Variants in SLC49A4 observed in about 807,000 individuals in gnomAD.
The protein encoded by SLC49A4 is disrupted in renal cancer protein 2.
SLC49A4 carries 36 observed loss-of-function variants against 50.6 expected under a neutral mutation model. That is an observed-to-expected ratio of 0.71 (90% CI 0.55 to 0.94). The LOEUF is 0.94. Among genes scored for constraint, SLC49A4 ranks in the 40% least tolerant of loss-of-function variants. The probability of loss-of-function intolerance (pLI) is 0.00; values close to 1 mark genes in which losing one functional copy is unlikely to be tolerated. For synonymous variants in SLC49A4, 248 were observed against 241.2 expected (o/e 1.03, Z -0.26); for missense variants, 503 against 605.7 (o/e 0.83, Z 1.78).
At chr3:122,838,120 C>T (rs1199455235) in intron 4 of SLC49A4, among the ~76,000 whole-genome samples, 1 of 151,908 alleles carries the variant, frequency 6.6e-6, no homozygotes, top group Non-Finnish European at 1.5e-5. Context: ...GGACTGTAAA[C>T]TAGTTCAACC....
chr3:122,802,127 C>G (rs1462638282), intron 1 of SLC49A4, among the ~76,000 whole-genome samples: 1 of 152,118 alleles, frequency 6.6e-6, no homozygotes, highest in Admixed American at 6.5e-5. Context: ...GCCTGGGCAA[C>G]ATCGTGAGAC....
At chr3:122,828,364 TG>T (rs1349059538) in intron 3 of SLC49A4, among the ~76,000 whole-genome samples, 3 of 152,174 alleles carry the variant, frequency 2.0e-5, no homozygotes, top group Non-Finnish European at 4.4e-5. Context: ...TAGAGCTTCC[TG>T]GAGATGCAGC....
intron 1 of SLC49A4, among the ~76,000 whole-genome samples, chr3:122,800,817 G>T (rs921561340): frequency 2.6e-5 from 4 of 152,218 alleles, no homozygotes; most frequent in African/African-American, 9.6e-5. Context: ...GAAACAAAAT[G>T]ATCCCCTGAT....
chr3:122,852,299 G>C (rs555182117), intron 5 of SLC49A4, among the ~76,000 whole-genome samples: 2 of 151,824 alleles, frequency 1.3e-5, no homozygotes, highest in South Asian at 4.2e-4. Flanking sequence ...GCCTGTCTTT[G>C]GTTCTTTTTT....
intron 5 of SLC49A4, among the ~76,000 whole-genome samples, chr3:122,853,879 A>G (rs1936954412): frequency 6.6e-6 from 1 of 152,236 alleles, no homozygotes; most frequent in African/African-American, 2.4e-5. Flanking sequence ...CCTGAATCAT[A>G]TCAGTTATTA....
intron 1 of SLC49A4, among the ~76,000 whole-genome samples, chr3:122,805,701 C>T (rs962687516): frequency 6.6e-6 from 1 of 152,150 alleles, no homozygotes; most frequent in African/African-American, 2.4e-5. Context: ...TTAACAGAGG[C>T]GTAGCATTCC....
At chr3:122,845,565 C>G (rs1005145493) in intron 4 of SLC49A4, among the ~76,000 whole-genome samples, 198 bp from the exon 5 acceptor site, 1 of 148,054 alleles carries the variant, frequency 6.8e-6, no homozygotes, top group Non-Finnish European at 1.5e-5. Flanking sequence ...CTTCAACCAG[C>G]AGTATATATG....
chr3:122,824,102 C>A lies in SLC49A4; in HGVS notation c.438-2698C>A, dbSNP rs143404850. Among the ~76,000 whole-genome samples the A allele has an allele frequency of 1.9e-3, 294 of 152,362 alleles. 1 individual carries two copies. The highest frequency in any genetic ancestry group is 3.4e-3 in the Middle Eastern group (1 of 294). On this transcript the variant is annotated intron_variant, in intron 2 of 8. Coordinates refer to ENST00000261038, the MANE Select transcript of SLC49A4 (RefSeq NM_032839.3). ...ATTCAGAGGATAACTAGTTCTCCTA[C>A]TGAGCTTGTTTATGAAGAGTGTATG...
At chr3:122,819,831 T>A (rs1189346384) in intron 2 of SLC49A4, among the ~76,000 whole-genome samples, 2 of 151,980 alleles carry the variant, frequency 1.3e-5, no homozygotes, top group African/African-American at 4.8e-5. Context: ...GACTTTTTTT[T>A]AAAGTTTTTT....
At chr3:122,807,276 C>G (rs375214255) in intron 2 of SLC49A4, among the ~76,000 whole-genome samples, 1 of 151,776 alleles carries the variant, frequency 6.6e-6, no homozygotes, top group African/African-American at 2.4e-5. Flanking sequence ...AAAATTGCCT[C>G]GAGACTAGGA....
intron 2 of SLC49A4, among the ~76,000 whole-genome samples, chr3:122,824,886 C>T (rs1193794722): frequency 6.6e-6 from 1 of 151,846 alleles, no homozygotes; most frequent in African/African-American, 2.4e-5. Flanking sequence ...GCATGCGTCA[C>T]CATGCCCAGC....
chr3:122,805,429 A>C (rs1936204164), intron 1 of SLC49A4, among the ~76,000 whole-genome samples: 1 of 152,202 alleles, frequency 6.6e-6, no homozygotes, highest in Non-Finnish European at 1.5e-5. Flanking sequence ...AGTCTTGTTG[A>C]CTTTCAATTT....
chr3:122,831,587 A>G lies in SLC49A4; in HGVS notation c.704-1730A>G, dbSNP rs1474180285. 2.6e-5 allele frequency among the ~76,000 whole-genome samples: 4 copies of G among 152,158 alleles called. No individual in the cohort carries two copies. The South Asian group carries it at 6.2e-4, about 24-fold the overall frequency. ...ACTCAAATCTATAGGGACTAAAAGTAGATCAGAGGTTGCCTAGGGCTGGGA... is the reference window on the plus strand; with the variant it reads ...ACTCAAATCTATAGGGACTAAAAGTGGATCAGAGGTTGCCTAGGGCTGGGA... On this transcript the variant is annotated intron_variant, in intron 3 of 8. Coordinates refer to ENST00000261038, the MANE Select transcript of SLC49A4 (RefSeq NM_032839.3).
At chr3:122,858,472 T>C (rs1308554094) in intron 6 of SLC49A4, among the ~76,000 whole-genome samples, 2 of 152,190 alleles carry the variant, frequency 1.3e-5, no homozygotes, top group African/African-American at 2.4e-5. Flanking sequence ...GTGGAAACTT[T>C]TTCAGCATAC....
At chr3:122,843,326 G>C (rs1408573035) in intron 4 of SLC49A4, among the ~76,000 whole-genome samples, 1 of 151,888 alleles carries the variant, frequency 6.6e-6, no homozygotes, top group Admixed American at 6.6e-5. Flanking sequence ...AACCAGTCTC[G>C]TTTTATCTTT....
chr3:122,841,431 G>A (rs950870722), intron 4 of SLC49A4, among the ~76,000 whole-genome samples: 1 of 152,116 alleles, frequency 6.6e-6, no homozygotes, highest in Non-Finnish European at 1.5e-5. Flanking sequence ...ATTCATTGAC[G>A]CCAATATCAG....
intron 5 of SLC49A4, among the ~76,000 whole-genome samples, chr3:122,847,157 A>G (rs1475386877): frequency 6.6e-6 from 1 of 152,178 alleles, no homozygotes. Context: ...TAGACCCATT[A>G]TAAACAAAGA....
intron 2 of SLC49A4, among the ~76,000 whole-genome samples, chr3:122,821,386 A>G (rs1160796295): frequency 6.6e-6 from 1 of 152,146 alleles, no homozygotes; most frequent in Non-Finnish European, 1.5e-5. Flanking sequence ...AGGGAAGAAA[A>G]GGGAGTTGGG....
At chr3:122,856,211 G>C (rs1936987230) in intron 5 of SLC49A4, 96 bp from the exon 6 acceptor site, 1 of 1,051,466 alleles carries the variant, frequency 9.5e-7, no homozygotes, top group South Asian at 1.4e-5. Flanking sequence ...CATCCATTTA[G>C]CTACTAACAT....
Sources: allele counts gnomAD v4.1 joint callset (sites outside exome capture counted in the v4.1 genomes callset), GRCh38; gene constraint gnomAD v4.1.1; transcripts MANE v1.5; gene names NCBI Gene and HGNC (gene_info 2026-07-23, HGNC 2026-07-21).